The following FBXO21 variants were observed in gnomAD, a reference collection of about 807,000 sequenced individuals.
The protein encoded by FBXO21 is F-box protein 21.
Under a neutral mutation model 76.6 loss-of-function variants are expected in FBXO21, and 32 were observed. That is an observed-to-expected ratio of 0.42 (90% CI 0.32 to 0.56). FBXO21 has a LOEUF of 0.56. Ranked by LOEUF, FBXO21 falls within the 20% of genes least tolerant of loss-of-function variation. FBXO21 has a pLI of 0.16. For missense variants in FBXO21, 586 were observed against 797.3 expected (o/e 0.73, Z 3.19); for synonymous variants, 328 against 311.5 (o/e 1.05, Z -0.56).
intron 7 of FBXO21, among the ~76,000 whole-genome samples, chr12:117,167,473 G>A (rs767362571): frequency 1.8e-4 from 28 of 152,140 alleles, no homozygotes; most frequent in Non-Finnish European, 2.9e-4. Flanking sequence ...TCAGCCGGGC[G>A]TGGTGGCTCA....
chr12:117,176,666 T>C (rs960921200), intron 4 of FBXO21, among the ~76,000 whole-genome samples: 3 of 152,078 alleles, frequency 2.0e-5, no homozygotes, highest in East Asian at 1.9e-4. Flanking sequence ...GAGGTGGCCA[T>C]AGACTGCATG....
chr12:117,178,669 G>GC (rs199822453), intron 3 of FBXO21, among the ~76,000 whole-genome samples: 5 of 123,908 alleles, frequency 4.0e-5, no homozygotes, highest in Admixed American at 1.0e-4. Flanking sequence ...TTAGTGCCCT[G>GC]TTCTTCTGCC....
rs1014519401 is a variant in FBXO21 at position 117,142,277 on chromosome 12, C to T, written c.*3810G>A. ...TCAGGGACCACCTGTATTCCACATC[C>T]GGCTTCCCACCCACGCACACGCAGT... On this transcript the variant is annotated 3_prime_UTR_variant, in exon 12 of 12. Transcript: ENST00000622495. 2 of 152,142 alleles carry T rather than the reference C, an allele frequency of 1.3e-5. No individual in the cohort carries two copies. The highest frequency in any genetic ancestry group is 6.5e-5 in the Admixed American group (1 of 15,278). 9.4% of individuals were successfully genotyped at this position (152,142 alleles called of 1,614,324 possible).
At chr12:117,154,801 C>T (rs1280844627) in intron 11 of FBXO21, among the ~76,000 whole-genome samples, 2 of 152,118 alleles carry the variant, frequency 1.3e-5, no homozygotes, top group Non-Finnish European at 2.9e-5. Flanking sequence ...TTTATACATC[C>T]CATATTTTGA....
chr12:117,167,168 G>C, intron 7 of FBXO21, 91 bp from the exon 8 acceptor site: 1 of 956,802 alleles, frequency 1.0e-6, no homozygotes, highest in Non-Finnish European at 1.6e-6. Context: ...GCTGAAGGTT[G>C]AGACCATAAC....
rs577785552 is a variant in FBXO21, at chr12:117,186,489, T to C, written c.458A>G (p.Asn153Ser). The change falls in exon 3 of 12, where the codon AAT becomes AGT. Residue 153 changes from asparagine to serine, a missense_variant. Physicochemically the swap from Asn to Ser is conservative, Grantham distance 46. Coordinates refer to ENST00000622495, the MANE Select transcript of FBXO21 (RefSeq NM_015002.3). ...FFEDELVCIL[N>S]MEGRKALTWK... ...AGCTATGGCTTACCTTCCTTCCATATTTAGGATACACACCAGTTCATCCTC... is the reference window on the plus strand; with the variant it reads ...AGCTATGGCTTACCTTCCTTCCATACTTAGGATACACACCAGTTCATCCTC... The C allele has an allele frequency of 2.9e-5, 47 of 1,610,020 alleles. No homozygotes were observed. The South Asian group carries it at 4.5e-4, about 15-fold the overall frequency.
At position 117,148,335 on chromosome 12, in the gene FBXO21, A is replaced by G. The variant is rs557970658; in HGVS notation, c.1676-2058T>C. ...ATGTATGGAGGCTGTTTACCTTAAC[A>G]GTACTTATGCTAGGAAAACTGGAAG... is the stretch of plus-strand genomic sequence containing the variant. On this transcript the variant is annotated intron_variant, in intron 11 of 11. Transcript: ENST00000622495. 4.6e-5 allele frequency among the ~76,000 whole-genome samples: 7 copies of G among 152,386 alleles called. No individual in the cohort carries two copies. In the South Asian group the frequency reaches 1.4e-3, roughly 32 times the overall value.
chr12:117,188,320 G>A (rs960766266), intron 2 of FBXO21, among the ~76,000 whole-genome samples: 11 of 152,142 alleles, frequency 7.2e-5, no homozygotes, highest in African/African-American at 1.7e-4. Context: ...AGAGGCCGGC[G>A]GATCACTTGA....
chr12:117,185,073 G>T (rs1956269487), intron 3 of FBXO21, among the ~76,000 whole-genome samples: 1 of 152,000 alleles, frequency 6.6e-6, no homozygotes, highest in Admixed American at 6.6e-5. Flanking sequence ...GAAAAACCAG[G>T]TCTGTACTAA....
rs530172102 is a variant in FBXO21, at chr12:117,144,163, A to G, written c.*1924T>C. ...TTTCTTGACTTTGATGTGTCTAAGA[A>G]AAAAGGAAATCAATCAAACCAGAAA... On this transcript the variant is annotated 3_prime_UTR_variant, in exon 12 of 12. Coordinates refer to ENST00000622495, the MANE Select transcript of FBXO21 (RefSeq NM_015002.3). 3.9e-4 allele frequency: 59 copies of G among 152,470 alleles called. No individual in the cohort carries two copies. The highest frequency in any genetic ancestry group is 1.4e-3 in the African/African-American group (58 of 41,588). 9.4% of individuals were successfully genotyped at this position (152,470 alleles called of 1,614,324 possible). A position where few individuals can be genotyped will look rare whatever the true frequency, so the allele number is the denominator to read the frequency against.
chr12:117,149,804 T>G (rs1164077053), intron 11 of FBXO21, among the ~76,000 whole-genome samples: 1 of 152,206 alleles, frequency 6.6e-6, no homozygotes, highest in African/African-American at 2.4e-5. Context: ...ATTCGGCTTC[T>G]GTTGGGAGGA....
chr12:117,165,438 A>G (rs1302206542), intron 9 of FBXO21, 47 bp downstream of exon 9: 1 of 1,585,798 alleles, frequency 6.3e-7, no homozygotes, highest in East Asian at 2.2e-5. Context: ...TCAATCTAGG[A>G]CTTCCCTTTC....
rs1452593828 is a variant in FBXO21 at position 117,144,448 on chromosome 12, T to A, written c.*1639A>T. Reference sequence around the variant, plus strand: ...GGAGGAGCCAGGGGCCAAATCCCCATCTCTTTCTAGTAACTGCTTAAAGCC... The same window carrying A: ...GGAGGAGCCAGGGGCCAAATCCCCAACTCTTTCTAGTAACTGCTTAAAGCC... On this transcript the variant is annotated 3_prime_UTR_variant, in exon 12 of 12. Transcript: ENST00000622495. 6.6e-6 allele frequency: 1 copy of A among 152,158 alleles called. No individual in the cohort carries two copies. 9.4% of individuals were successfully genotyped at this position (152,158 alleles called of 1,614,324 possible). A position where few individuals can be genotyped will look rare whatever the true frequency, so the allele number is the denominator to read the frequency against.
At chr12:117,186,143 C>T (rs1956281796) in intron 3 of FBXO21, among the ~76,000 whole-genome samples, 1 of 152,178 alleles carries the variant, frequency 6.6e-6, no homozygotes, top group African/African-American at 2.4e-5. Flanking sequence ...TCCCAAAGTG[C>T]TGGGATTACA....
chr12:117,162,008 G>A, intron 9 of FBXO21, among the ~76,000 whole-genome samples: 1 of 152,234 alleles, frequency 6.6e-6, no homozygotes. Flanking sequence ...TGCCTATGGA[G>A]GAGGCATGGG....
At chr12:117,154,032 G>A (rs1166139916) in intron 11 of FBXO21, among the ~76,000 whole-genome samples, 1 of 152,142 alleles carries the variant, frequency 6.6e-6, no homozygotes, top group Non-Finnish European at 1.5e-5. Flanking sequence ...ATAGACACTG[G>A]CCCACGGTGT....
In FBXO21 at chr12:117,146,104, C is replaced by G; in HGVS notation, c.1849G>C (p.Glu617Gln). Residue 617 changes from glutamate to glutamine, a missense_variant, in exon 12 of 12, where the codon GAG (glutamate) becomes CAG (glutamine). This residue lies in a region of FBXO21 where 164 missense variants were observed against 236.7 expected (regional missense o/e 0.69). Coordinates refer to ENST00000622495, the MANE Select transcript of FBXO21 (RefSeq NM_015002.3). Reference sequence around the variant, plus strand: ...TCTAGACTTTACTCATCTATGTTCTCTTTCTTTGCACTGTAAATATTCTGC... The same window carrying G: ...TCTAGACTTTACTCATCTATGTTCTGTTTCTTTGCACTGTAAATATTCTGC... ...TVQNIYSAKK[E>Q]NIDE The G allele has an allele frequency of 6.2e-7, 1 of 1,603,874 alleles. No individual in the cohort carries two copies. The highest frequency in any genetic ancestry group is 8.5e-7 in the Non-Finnish European group (1 of 1,176,502).
In FBXO21 at chr12:117,152,603, CAGTG is replaced by C. The variant is rs549674325; in HGVS notation, c.1675+3184_1675+3187del. On this transcript the variant is annotated intron_variant, in intron 11 of 11. Coordinates refer to ENST00000622495, the MANE Select transcript of FBXO21 (RefSeq NM_015002.3). ...TAAAGAGAAAAAAAACAACCAAATGCAGTGAATGAATTCTGGTTGGATACTGATT... is the reference window on the plus strand; with the variant it reads ...TAAAGAGAAAAAAAACAACCAAATGCAATGAATTCTGGTTGGATACTGATT... Among the ~76,000 whole-genome samples the C allele has an allele frequency of 3.2e-3, 485 of 151,648 alleles. 5 individuals are homozygous for C. The highest frequency in any genetic ancestry group is 0.011 in the African/African-American group (466 of 41,470).
At chr12:117,159,030 G>A (rs1955948034) in intron 9 of FBXO21, among the ~76,000 whole-genome samples, 1 of 152,194 alleles carries the variant, frequency 6.6e-6, no homozygotes, top group Non-Finnish European at 1.5e-5. Context: ...ACTAGCTGGC[G>A]TTTTTACCTC....
Sources: gnomAD v4.1 joint callset for allele counts (sites outside exome capture counted in the v4.1 genomes callset) on GRCh38, gnomAD v4.1.1 for gene constraint, gnomAD v4.1.1 regional missense constraint, MANE v1.5 for transcripts, NCBI Gene and HGNC (gene_info 2026-07-23, HGNC 2026-07-21) for gene names.